WWOX: variants seen among roughly 807,000 people sequenced by gnomAD.
WWOX encodes WW domain containing oxidoreductase.
Under a neutral mutation model 46.2 loss-of-function variants are expected in WWOX, and 69 were observed. The ratio of observed to expected loss-of-function variants is 1.49; its 90% CI spans 1.23 to 1.82. WWOX has a LOEUF of 1.82. Ranked by LOEUF, WWOX falls within the 40% of genes most tolerant of loss-of-function variation. The pLI, the probability that WWOX is intolerant of heterozygous loss-of-function variation, is 0.00. For missense variants in WWOX, 919 were observed against 542.6 expected, an observed-to-expected ratio of 1.69 and a Z score of -6.89; for synonymous variants, 359 against 202.6, an observed-to-expected ratio of 1.77 and a Z score of -6.56.
chr16:78,354,271 G>T (rs13335466), intron 5 of WWOX, among the ~76,000 whole-genome samples: 1 of 128,988 alleles, frequency 7.8e-6, no homozygotes, highest in Non-Finnish European at 1.6e-5. Context: ...ATCTCTTTTT[G>T]CTTGGCATAG....
intron 8 of WWOX, chr16:78,897,251 A>AAC (rs1567634047): frequency 6.7e-6 from 1 of 149,564 alleles, no homozygotes; most frequent in Non-Finnish European, 1.5e-5. Context: ...AAAAAAAAAA[A>AAC]AAAAAAAAAA....
At chr16:78,386,716 C>G (rs1046804261) in intron 5 of WWOX, 144 bp from the exon 6 acceptor site, 1 of 571,606 alleles carries the variant, frequency 1.7e-6, no homozygotes, top group African/African-American at 1.9e-5. Flanking sequence ...TTCTTCCATT[C>G]ATTCCGATGA....
intron 8 of WWOX, among the ~76,000 whole-genome samples, chr16:79,162,106 T>G (rs147647963): frequency 6.6e-6 from 1 of 152,214 alleles, no homozygotes; most frequent in East Asian, 1.9e-4. Flanking sequence ...CATTACCTGA[T>G]TTTTTACTGA....
chr16:78,908,065 T>C (rs2045012224), intron 8 of WWOX, among the ~76,000 whole-genome samples: 1 of 152,160 alleles, frequency 6.6e-6, no homozygotes. Flanking sequence ...AAGTTTATAG[T>C]TCCCAAATTG....
At chr16:78,150,244 A>T (rs1335658245) in intron 4 of WWOX, among the ~76,000 whole-genome samples, 1 of 152,216 alleles carries the variant, frequency 6.6e-6, no homozygotes, top group Non-Finnish European at 1.5e-5. Flanking sequence ...AAGAGTACAG[A>T]TGAAGCGGTA....
chr16:78,335,923 C>G (rs910480362), intron 5 of WWOX, among the ~76,000 whole-genome samples: 2 of 152,096 alleles, frequency 1.3e-5, no homozygotes, highest in Non-Finnish European at 2.9e-5. Flanking sequence ...GAAACTCCAT[C>G]TCTACTAAAA....
At chr16:78,466,958 G>A (rs991763222) in intron 8 of WWOX, among the ~76,000 whole-genome samples, 1 of 151,812 alleles carries the variant, frequency 6.6e-6, no homozygotes, top group Non-Finnish European at 1.5e-5. Flanking sequence ...AAAGTAAACA[G>A]ATCTTAGAGA....
intron 8 of WWOX, among the ~76,000 whole-genome samples, chr16:79,059,809 G>C (rs985211192): frequency 3.3e-5 from 5 of 152,204 alleles, no homozygotes; most frequent in Non-Finnish European, 5.9e-5. Context: ...ACGTGTGTCA[G>C]AGACAACATT....
intron 8 of WWOX, among the ~76,000 whole-genome samples, chr16:78,844,735 C>T (rs903183400): frequency 2.0e-5 from 3 of 152,306 alleles, no homozygotes; most frequent in South Asian, 2.1e-4. Flanking sequence ...TTACAAGATG[C>T]GTCTGGAAAC....
chr16:78,859,601 C>G (rs1176547192), intron 8 of WWOX, among the ~76,000 whole-genome samples: 3 of 152,170 alleles, frequency 2.0e-5, no homozygotes. Flanking sequence ...AAAATACCTT[C>G]ATGTTCAGCA....
At chr16:78,354,851 C>G (rs998974302) in intron 5 of WWOX, among the ~76,000 whole-genome samples, 1 of 152,090 alleles carries the variant, frequency 6.6e-6, no homozygotes, top group Non-Finnish European at 1.5e-5. Flanking sequence ...ACAGAGATGA[C>G]AGCCAGGGGT....
At chr16:79,201,760 T>G (rs1472815977) in intron 8 of WWOX, among the ~76,000 whole-genome samples, 1 of 151,506 alleles carries the variant, frequency 6.6e-6, no homozygotes. Flanking sequence ...CCTGACTTTT[T>G]TCTTCCATCC....
chr16:79,110,814 T>A (rs1307954888), intron 8 of WWOX: 2 of 152,228 alleles, frequency 1.3e-5, no homozygotes, highest in Non-Finnish European at 2.9e-5. Flanking sequence ...CTGCCTTTTA[T>A]CAGCTGGGTG....
At chr16:78,906,576 T>G (rs969550062) in intron 8 of WWOX, among the ~76,000 whole-genome samples, 2 of 152,128 alleles carry the variant, frequency 1.3e-5, no homozygotes, top group Non-Finnish European at 2.9e-5. Context: ...TATACATCTT[T>G]CAGGGGAAGA....
chr16:78,791,335 C>T (rs1250598052), intron 8 of WWOX, among the ~76,000 whole-genome samples: 13 of 152,076 alleles, frequency 8.5e-5, no homozygotes, highest in South Asian at 2.1e-4. Flanking sequence ...CAACGGCAGT[C>T]TCAGGTTTAT....
chr16:78,321,315 C>CGTATATATATACGTATATATATGT (rs2080466689), intron 5 of WWOX, among the ~76,000 whole-genome samples: 1 of 84,452 alleles, frequency 1.2e-5, no homozygotes, highest in Non-Finnish European at 2.4e-5. Flanking sequence ...TATATATATG[C>CGTATATATATACGTATATATATGT]GTATATATAT....
chr16:79,179,330 A>G lies in WWOX; in HGVS notation c.1057-32278A>G, dbSNP rs185805965. On this transcript the variant is annotated intron_variant, in intron 8 of 8. Transcript: ENST00000566780. ...TTTTATGTTTCCTCTGAAACCAGCC[A>G]TGAGAGGTACTCTTAGCAAATCACG... 2.0e-4 allele frequency among the ~76,000 whole-genome samples: 31 copies of G among 152,334 alleles called. No individual in the cohort carries two copies. In the East Asian group the frequency reaches 5.8e-3, roughly 28 times the overall value.
At chr16:78,690,331 G>A (rs1432273262) in intron 8 of WWOX, among the ~76,000 whole-genome samples, 4 of 152,118 alleles carry the variant, frequency 2.6e-5, no homozygotes, top group African/African-American at 9.7e-5. Context: ...CAGAACGATT[G>A]CTTGAGCTGA....
chr16:78,383,408 A>G (rs1202655641), intron 5 of WWOX, among the ~76,000 whole-genome samples: 4 of 152,176 alleles, frequency 2.6e-5, no homozygotes, highest in African/African-American at 9.7e-5. Flanking sequence ...GTTAACAACC[A>G]GAAGATCATG....
Sources: gnomAD v4.1 joint callset for allele counts (sites outside exome capture counted in the v4.1 genomes callset) on GRCh38, gnomAD v4.1.1 for gene constraint, MANE v1.5 for transcripts, NCBI Gene and HGNC (gene_info 2026-07-23, HGNC 2026-07-21) for gene names.